Variants in SVOPL observed in about 807,000 individuals in gnomAD.
SVOPL encodes the protein SVOP like, also known as putative transporter SVOPL.
SVOPL carries 60 observed loss-of-function variants against 61.0 expected under a neutral mutation model. The ratio of observed to expected loss-of-function variants is 0.98; its 90% confidence interval spans 0.80 to 1.22. The LOEUF is 1.22. Among genes scored for constraint, SVOPL ranks in the 50% most tolerant of loss-of-function variants. The probability of loss-of-function intolerance (pLI) is 0.00; values close to 1 mark genes in which losing one functional copy is unlikely to be tolerated. For synonymous variants in SVOPL, 279 were observed against 250.0 expected (o/e 1.12, Z -1.09); for missense variants, 662 against 643.9 (o/e 1.03, Z -0.30).
chr7:138,636,323 T>G (rs193221498), intron 9 of SVOPL, among the ~76,000 whole-genome samples: 1 of 152,150 alleles, frequency 6.6e-6, no homozygotes, highest in Non-Finnish European at 1.5e-5. Flanking sequence ...GTACTGACAT[T>G]AGTTATAAAA....
rs375696420 is a variant in SVOPL at position 138,677,266 on chromosome 7, G to GA, written c.174+1167dup. On this transcript the variant is annotated intron_variant, in intron 3 of 15. Transcript: ENST00000674285. ...GAGAGCCCAGAGCCTGAGGTCAGTA[G>GA]AAAAAAGACTGCTGCGTCCAATGAT... Among the ~76,000 whole-genome samples the GA allele has an allele frequency of 2.8e-3, 423 of 152,152 alleles. 1 individual carries two copies. The highest frequency in any genetic ancestry group is 0.01 in the Middle Eastern group (3 of 294).
chr7:138,659,863 C>A lies in SVOPL; in HGVS notation c.470+1G>T. 1.3e-6 allele frequency: 2 copies of A among 1,551,434 alleles called. No homozygotes were observed. The highest frequency in any genetic ancestry group is 1.7e-6 in the Non-Finnish European group (2 of 1,146,936). On this transcript the variant is annotated splice_donor_variant, in intron 6 of 15. Transcript: ENST00000674285. LOFTEE classifies it high-confidence loss of function. ...CAGGGTCCCCTGGGTAACATATTTA[C>A]CCTTGCGAGTGGCCGGACACACCAC...
At chr7:138,655,352 A>G (rs2117050986) in intron 7 of SVOPL, among the ~76,000 whole-genome samples, 1 of 152,180 alleles carries the variant, frequency 6.6e-6, no homozygotes, top group East Asian at 1.9e-4. Flanking sequence ...AAAAATATAA[A>G]AAATTAGCTG....
At chr7:138,618,677 TGA>T (rs1799410673) in intron 14 of SVOPL, among the ~76,000 whole-genome samples, 1 of 129,430 alleles carries the variant, frequency 7.7e-6, no homozygotes, top group African/African-American at 2.9e-5. Flanking sequence ...CACGCAAGAG[TGA>T]GAGAGAATGA....
intron 9 of SVOPL, among the ~76,000 whole-genome samples, chr7:138,635,759 T>C (rs1240392868): frequency 6.6e-6 from 1 of 152,134 alleles, no homozygotes; most frequent in African/African-American, 2.4e-5. Context: ...TCCAGGGAAA[T>C]GGCTTCTTCA....
chr7:138,648,119 T>C (rs971109113), intron 8 of SVOPL, among the ~76,000 whole-genome samples: 2 of 151,940 alleles, frequency 1.3e-5, no homozygotes, highest in Admixed American at 6.6e-5. Context: ...AACCTACAGA[T>C]GAGTGGGAGA....
intron 9 of SVOPL, among the ~76,000 whole-genome samples, chr7:138,638,794 G>C (rs1800630514): frequency 6.6e-6 from 1 of 152,106 alleles, no homozygotes. Context: ...GCTACCTCTA[G>C]AATAAAAGAA....
chr7:138,685,736 G>A (rs1053371584), intron 1 of SVOPL, among the ~76,000 whole-genome samples: 1 of 151,822 alleles, frequency 6.6e-6, no homozygotes, highest in Non-Finnish European at 1.5e-5. Flanking sequence ...GGCGGGTGCA[G>A]TGGTGGGCAC....
chr7:138,647,891 G>A (rs1475484001), intron 8 of SVOPL, among the ~76,000 whole-genome samples: 2 of 151,096 alleles, frequency 1.3e-5, no homozygotes, highest in Non-Finnish European at 2.9e-5. Context: ...GAAGCTAGCA[G>A]CTTTCTGGCA....
At chr7:138,622,693 C>A in intron 13 of SVOPL, among the ~76,000 whole-genome samples, 1 of 151,498 alleles carries the variant, frequency 6.6e-6, no homozygotes, top group Non-Finnish European at 1.5e-5. Context: ...AACTCCTGGG[C>A]TCAGGTGATC....
intron 9 of SVOPL, among the ~76,000 whole-genome samples, chr7:138,637,427 C>CATATATATATATATATATAT (rs377328822): frequency 7.0e-5 from 5 of 71,442 alleles, no homozygotes; most frequent in African/African-American, 1.2e-4. Context: ...GACTCCATCT[C>CATATATATATATATATATAT]ATATATATAT....
chr7:138,666,357 C>T (rs981021895), intron 4 of SVOPL, among the ~76,000 whole-genome samples: 4 of 152,184 alleles, frequency 2.6e-5, no homozygotes, highest in Non-Finnish European at 5.9e-5. Flanking sequence ...AGAAAGCAAT[C>T]GAGTCACTTT....
At chr7:138,632,736 C>G (rs73465676) in intron 9 of SVOPL, among the ~76,000 whole-genome samples, 1 of 143,268 alleles carries the variant, frequency 7.0e-6, no homozygotes, top group Admixed American at 7.1e-5. Context: ...AGGATGGGGG[C>G]GGGAGGAAAA....
chr7:138,622,262 CTATCTATG>C lies in SVOPL; in HGVS notation c.1264-1135_1264-1128del, dbSNP rs1184791112. 8.9e-3 allele frequency among the ~76,000 whole-genome samples: 828 copies of C among 92,606 alleles called. 16 individuals are homozygous for C. The highest frequency in any genetic ancestry group is 0.011 in the African/African-American group (265 of 24,114). The allele number at this position is 92,606 out of a possible 152,430, so 60.8% of individuals were successfully genotyped here. Reference sequence around the variant, plus strand: ...TCTATCTATCTATCTATGTATCTATCTATCTATGTATCTATCTATCTATCTATCTATCT... The same window carrying C: ...TCTATCTATCTATCTATGTATCTATCTATCTATCTATCTATCTATCTATCT... On this transcript the variant is annotated intron_variant, in intron 13 of 15. Transcript: ENST00000674285.
intron 13 of SVOPL, among the ~76,000 whole-genome samples, chr7:138,624,351 A>G (rs1227969084): frequency 1.3e-5 from 2 of 152,210 alleles, no homozygotes; most frequent in Non-Finnish European, 2.9e-5. Flanking sequence ...TTCAAAATTC[A>G]CCAGAAATCT....
Position 138,596,513 on chromosome 7 carries a change from T to C in SVOPL, c.1371A>G (p.Ser457=). 1 of 1,613,734 alleles carries C rather than the reference T, an allele frequency of 6.2e-7. No homozygotes were observed. The highest frequency in any genetic ancestry group is 8.5e-7 in the Non-Finnish European group (1 of 1,179,798). Residue 457 remains serine, a synonymous_variant, in exon 15 of 16, where the codon TCA becomes TCG. Transcript: ENST00000674285. ...PFISQVLMSA[S]ILGALCLFSS... Reference sequence around the variant, plus strand: ...AGAAGAGACACAGGGCCCCCAGTATTGATGCACTCATAAGAACCTGCAAGT... The same window carrying C: ...AGAAGAGACACAGGGCCCCCAGTATCGATGCACTCATAAGAACCTGCAAGT...
intron 9 of SVOPL, among the ~76,000 whole-genome samples, chr7:138,638,914 C>T (rs971294491): frequency 6.6e-6 from 1 of 152,172 alleles, no homozygotes; most frequent in African/African-American, 2.4e-5. Context: ...AGAAGAAACA[C>T]AAAATATCTT....
intron 14 of SVOPL, among the ~76,000 whole-genome samples, chr7:138,608,469 C>T (rs185964837): frequency 1.2e-4 from 18 of 152,258 alleles, no homozygotes; most frequent in Non-Finnish European, 1.5e-4. Flanking sequence ...ATTTTCAATA[C>T]GTCGTGTTGA....
chr7:138,691,600 G>A (rs564273240), intron 1 of SVOPL, among the ~76,000 whole-genome samples: 1 of 152,282 alleles, frequency 6.6e-6, no homozygotes, highest in Non-Finnish European at 1.5e-5. Context: ...GAGTGCGATG[G>A]CGTGATCTCG....
Sources: allele counts gnomAD v4.1 joint callset (sites outside exome capture counted in the v4.1 genomes callset), GRCh38; gene constraint gnomAD v4.1.1; transcripts MANE v1.5; gene names NCBI Gene and HGNC (gene_info 2026-07-23, HGNC 2026-07-21).